The following TSHZ2 variants were observed in gnomAD, a reference collection of about 807,000 sequenced individuals.
TSHZ2 encodes teashirt homolog 2.
In TSHZ2, 21 loss-of-function variants were observed where a neutral mutation model predicts 74.4. The ratio of observed to expected loss-of-function variants is 0.28; its 90% CI spans 0.20 to 0.41. The LOEUF is 0.41. Ranked by LOEUF, TSHZ2 falls within the 10% of genes least tolerant of loss-of-function variation. The pLI is 1.00. For missense variants in TSHZ2, 1,244 were observed against 1,293.5 expected (o/e 0.96, Z 0.59); for synonymous variants, 540 against 515.3 (o/e 1.05, Z -0.65).
At position 53,490,422 on chromosome 20, in the gene TSHZ2, G is replaced by A. The variant is rs1432384318; in HGVS notation, c.*3287G>A. Reference sequence around the variant, plus strand: ...CCTGTGTTTTACAACAGCTCCTAAAGATAGCTGATATCAAGACATTTGAGG... The same window carrying A: ...CCTGTGTTTTACAACAGCTCCTAAAAATAGCTGATATCAAGACATTTGAGG... On this transcript the variant is annotated 3_prime_UTR_variant, in exon 3 of 3. Transcript: ENST00000371497. 1.3e-5 allele frequency: 2 copies of A among 152,308 alleles called. No homozygotes were observed. The highest frequency in any genetic ancestry group is 3.4e-3 in the Middle Eastern group (1 of 294). 9.4% of individuals were successfully genotyped at this position (152,308 alleles called of 1,614,324 possible).
At chr20:53,202,875 A>G (rs546698889) in intron 1 of TSHZ2, among the ~76,000 whole-genome samples, 48 of 152,242 alleles carry the variant, frequency 3.2e-4, no homozygotes, top group African/African-American at 1.2e-3. Flanking sequence ...AGGGAGAGGC[A>G]GGGGTGCTTT....
At chr20:53,319,698 A>G (rs538313588) in intron 2 of TSHZ2, among the ~76,000 whole-genome samples, 1 of 152,258 alleles carries the variant, frequency 6.6e-6, no homozygotes, top group African/African-American at 2.4e-5. Flanking sequence ...TTACTGCTTC[A>G]TGCACTTAAG....
At chr20:53,186,752 C>A (rs1988608076) in intron 1 of TSHZ2, among the ~76,000 whole-genome samples, 1 of 152,278 alleles carries the variant, frequency 6.6e-6, no homozygotes, top group East Asian at 1.9e-4. Context: ...TGGCATCCAC[C>A]TAAATACAAC....
At chr20:53,108,958 C>T (rs569548344) in intron 1 of TSHZ2, among the ~76,000 whole-genome samples, 7 of 152,154 alleles carry the variant, frequency 4.6e-5, no homozygotes, top group Non-Finnish European at 1.0e-4. Flanking sequence ...CCCCTCCACC[C>T]TCTACCCTCC....
At chr20:53,441,420 C>CAA (rs774796288) in intron 2 of TSHZ2, among the ~76,000 whole-genome samples, 2 of 151,676 alleles carry the variant, frequency 1.3e-5, no homozygotes, top group African/African-American at 2.4e-5. Context: ...CACCCGCCAC[C>CAA]AAAACCGGCT....
At chr20:53,445,800 G>A (rs1426671118) in intron 2 of TSHZ2, among the ~76,000 whole-genome samples, 2 of 152,232 alleles carry the variant, frequency 1.3e-5, no homozygotes, top group Non-Finnish European at 2.9e-5. Context: ...CCCACCAGGG[G>A]AGAGGGAACC....
chr20:53,200,314 G>A (rs948363661), intron 1 of TSHZ2, among the ~76,000 whole-genome samples: 5 of 152,240 alleles, frequency 3.3e-5, no homozygotes, highest in African/African-American at 7.2e-5. Context: ...GTGTGACAGC[G>A]AGTGCAAGGG....
chr20:53,128,420 T>TTTG (rs140676816), intron 1 of TSHZ2, among the ~76,000 whole-genome samples: 1 of 152,142 alleles, frequency 6.6e-6, no homozygotes, highest in Admixed American at 6.5e-5. Context: ...GAATTTGGTG[T>TTTG]TTGTTGTTGT....
At chr20:53,414,913 C>CT (rs139905325) in intron 2 of TSHZ2, among the ~76,000 whole-genome samples, 2,207 of 152,186 alleles carry the variant, frequency 0.015, 20 homozygotes, top group Middle Eastern at 0.031. Flanking sequence ...GCACCTCATT[C>CT]TTTTTTCAGA....
intron 1 of TSHZ2, among the ~76,000 whole-genome samples, chr20:53,237,468 T>C (rs1280738541): frequency 2.0e-5 from 3 of 151,178 alleles, no homozygotes; most frequent in Admixed American, 6.6e-5. Flanking sequence ...TGACCATACA[T>C]ATATGCCCTG....
intron 1 of TSHZ2, among the ~76,000 whole-genome samples, chr20:53,119,385 C>A (rs1037552665): frequency 6.6e-6 from 1 of 152,044 alleles, no homozygotes; most frequent in African/African-American, 2.4e-5. Context: ...CAAATAGGGA[C>A]GAGACACAAC....
At chr20:53,290,499 G>A (rs1474916891) in intron 2 of TSHZ2, among the ~76,000 whole-genome samples, 1 of 151,946 alleles carries the variant, frequency 6.6e-6, no homozygotes, top group Non-Finnish European at 1.5e-5. Flanking sequence ...AAAGACACAG[G>A]TTCTCATCTC....
rs566216592 is a variant in TSHZ2 at position 53,344,781 on chromosome 20, G to C, written c.*8+88210G>C. Among the ~76,000 whole-genome samples, 24 of 151,358 alleles carry C rather than the reference G, an allele frequency of 1.6e-4. No homozygotes were observed. The South Asian group carries it at 5.0e-3, about 31-fold the overall frequency. On this transcript the variant is annotated intron_variant, in intron 2 of 2. Coordinates refer to ENST00000371497, the MANE Select transcript of TSHZ2 (RefSeq NM_173485.6). ...AGTAACCCCATTGAGAAAAGTTAGAGATAAAGTTTACAACCTTCACTTTCT... is the reference window on the plus strand; with the variant it reads ...AGTAACCCCATTGAGAAAAGTTAGACATAAAGTTTACAACCTTCACTTTCT...
intron 1 of TSHZ2, among the ~76,000 whole-genome samples, chr20:52,994,776 T>C (rs956201703): frequency 6.6e-6 from 1 of 152,150 alleles, no homozygotes; most frequent in Non-Finnish European, 1.5e-5. Flanking sequence ...CGACCTCTAA[T>C]CAAATCAGCT....
chr20:53,350,740 T>C (rs529749654), intron 2 of TSHZ2, among the ~76,000 whole-genome samples: 2 of 152,352 alleles, frequency 1.3e-5, no homozygotes, highest in East Asian at 1.9e-4. Context: ...GTAACTGTTT[T>C]TCACAAAGAT....
At chr20:53,403,488 A>G (rs573294638) in intron 2 of TSHZ2, among the ~76,000 whole-genome samples, 1 of 152,294 alleles carries the variant, frequency 6.6e-6, no homozygotes, top group Admixed American at 6.5e-5. Context: ...AATAATTTGA[A>G]TTAAACTAAG....
chr20:52,986,745 T>C (rs538139563), intron 1 of TSHZ2, among the ~76,000 whole-genome samples: 7 of 152,290 alleles, frequency 4.6e-5, no homozygotes, highest in South Asian at 4.1e-4. Context: ...AAAGAAATAA[T>C]AATCTTAGAC....
chr20:53,263,688 G>T (rs1385188169), intron 2 of TSHZ2, among the ~76,000 whole-genome samples: 1 of 152,200 alleles, frequency 6.6e-6, no homozygotes, highest in Admixed American at 6.5e-5. Context: ...GCAGCCCCTG[G>T]ATCTGGTGGC....
At chr20:52,986,114 G>A (rs978671278) in intron 1 of TSHZ2, among the ~76,000 whole-genome samples, 5 of 152,064 alleles carry the variant, frequency 3.3e-5, no homozygotes, top group Non-Finnish European at 4.4e-5. Context: ...AATAATGGCC[G>A]GGCACAGTGG....
Sources: gnomAD v4.1 joint callset for allele counts (sites outside exome capture counted in the v4.1 genomes callset) on GRCh38, gnomAD v4.1.1 for gene constraint, MANE v1.5 for transcripts, NCBI Gene and HGNC (gene_info 2026-07-23, HGNC 2026-07-21) for gene names.